KHDRBS2: variants seen among roughly 807,000 people sequenced by gnomAD.
KHDRBS2 encodes the protein KH RNA binding domain containing, signal transduction associated 2.
A neutral mutation model predicts 44.3 loss-of-function variants in KHDRBS2; 26 were observed. The observed-to-expected ratio is 0.59, with a 90% CI of 0.43 to 0.81. KHDRBS2 has a LOEUF of 0.81. KHDRBS2 is among the 40% of genes least tolerant of loss of function. The pLI, the probability that KHDRBS2 is intolerant of heterozygous loss-of-function variation, is 0.00. For missense variants in KHDRBS2, 476 were observed against 433.1 expected (o/e 1.10, Z -0.88); for synonymous variants, 194 against 151.1 (o/e 1.28, Z -2.08).
the KHDRBS2 span, among the ~76,000 whole-genome samples, chr6:61,660,845 A>C: frequency 1.3e-5 from 2 of 151,834 alleles, no homozygotes; most frequent in African/African-American, 2.4e-5. Context: ...AGGCTCGATA[A>C]AGAGCCATCA....
intron 1 of KHDRBS2, among the ~76,000 whole-genome samples, chr6:62,284,253 C>A (rs1330393274): frequency 6.6e-6 from 1 of 152,042 alleles, no homozygotes; most frequent in East Asian, 1.9e-4. Flanking sequence ...AATCTTTGAG[C>A]CACTTGTCTC....
intron 6 of KHDRBS2, among the ~76,000 whole-genome samples, chr6:61,769,526 G>A (rs556594515): frequency 1.3e-5 from 2 of 152,198 alleles, no homozygotes; most frequent in Non-Finnish European, 2.9e-5. Context: ...CCTGCACATG[G>A]CTCAGAGGGT....
In KHDRBS2 at chr6:61,681,937, G is replaced by A. The variant is rs533235814; in HGVS notation, c.953-877C>T. Among the ~76,000 whole-genome samples the A allele has an allele frequency of 4.3e-4, 65 of 151,954 alleles. No homozygotes were observed. In the South Asian group the frequency reaches 8.5e-3, roughly 20 times the overall value. On this transcript the variant is annotated intron_variant, in intron 8 of 8. Coordinates refer to ENST00000281156, the MANE Select transcript of KHDRBS2 (RefSeq NM_152688.4). Reference sequence around the variant, plus strand: ...TGATTCCAGCAACTAGGTTATTTTGGTCTCTCAATCAGAATTTAGTTCCTC... The same window carrying A: ...TGATTCCAGCAACTAGGTTATTTTGATCTCTCAATCAGAATTTAGTTCCTC...
chr6:62,176,748 T>A (rs1213790661), intron 2 of KHDRBS2, among the ~76,000 whole-genome samples: 1 of 151,166 alleles, frequency 6.6e-6, no homozygotes, highest in East Asian at 1.9e-4. Context: ...AATCTAAGAG[T>A]CTAATAACCA....
chr6:62,142,639 T>C (rs1240397864), intron 2 of KHDRBS2, among the ~76,000 whole-genome samples: 1 of 151,938 alleles, frequency 6.6e-6, no homozygotes, highest in Non-Finnish European at 1.5e-5. Context: ...ATAAAGAGGA[T>C]ATAGGACTAC....
chr6:62,098,428 T>A (rs1312813969), intron 2 of KHDRBS2, among the ~76,000 whole-genome samples: 3 of 152,088 alleles, frequency 2.0e-5, no homozygotes, highest in Non-Finnish European at 4.4e-5. Flanking sequence ...GACAGTTTGT[T>A]TTGTTTTGTT....
chr6:62,108,695 C>G (rs1584757263), intron 2 of KHDRBS2, among the ~76,000 whole-genome samples: 1 of 152,252 alleles, frequency 6.6e-6, no homozygotes, highest in East Asian at 1.9e-4. Flanking sequence ...TTGGAACCAA[C>G]CCAAATGTCC....
At chr6:61,868,762 T>C (rs770315538) in intron 6 of KHDRBS2, among the ~76,000 whole-genome samples, 29 of 152,166 alleles carry the variant, frequency 1.9e-4, no homozygotes, top group Non-Finnish European at 3.7e-4. Flanking sequence ...CAGTCTCAGG[T>C]AAGCCACAGG....
At chr6:62,282,248 G>C (rs1841907915) in intron 1 of KHDRBS2, among the ~76,000 whole-genome samples, 1 of 152,082 alleles carries the variant, frequency 6.6e-6, no homozygotes, top group South Asian at 2.1e-4. Context: ...ATATTTTTAA[G>C]ATCTCATTTA....
intron 2 of KHDRBS2, among the ~76,000 whole-genome samples, chr6:62,131,212 C>T (rs1261312301): frequency 1.3e-5 from 2 of 152,094 alleles, no homozygotes; most frequent in Non-Finnish European, 2.9e-5. Flanking sequence ...AAAAACTGTA[C>T]TTTTGAGAAT....
At chr6:61,615,131 G>A in the KHDRBS2 span, among the ~76,000 whole-genome samples, 16 of 148,980 alleles carry the variant, frequency 1.1e-4, no homozygotes, top group African/African-American at 4.0e-4. Flanking sequence ...TACTCGGGAG[G>A]CTGAGGCAGG....
the KHDRBS2 span, among the ~76,000 whole-genome samples, chr6:61,555,838 T>C: frequency 6.6e-6 from 1 of 152,178 alleles, no homozygotes; most frequent in Non-Finnish European, 1.5e-5. Flanking sequence ...TGGGGGCCTG[T>C]TATCTGGCCC....
chr6:62,062,408 C>G (rs1792205268), intron 2 of KHDRBS2, among the ~76,000 whole-genome samples: 1 of 148,468 alleles, frequency 6.7e-6, no homozygotes, highest in African/African-American at 2.5e-5. Flanking sequence ...TGTAAAAGAA[C>G]AGAAATTATA....
At chr6:61,651,831 T>C in the KHDRBS2 span, among the ~76,000 whole-genome samples, 1 of 152,130 alleles carries the variant, frequency 6.6e-6, no homozygotes, top group African/African-American at 2.4e-5. Flanking sequence ...ATCCAGATTG[T>C]ACTGGTAAAG....
intron 3 of KHDRBS2, among the ~76,000 whole-genome samples, chr6:62,000,560 A>C (rs1778047119): frequency 6.6e-6 from 1 of 152,218 alleles, no homozygotes; most frequent in African/African-American, 2.4e-5. Context: ...AAGATTCGTA[A>C]GAGTTAAATC....
Position 61,822,196 on chromosome 6 carries a change from T to C in KHDRBS2, c.810+72439A>G, listed in dbSNP as rs565725495. Among the ~76,000 whole-genome samples, 24 of 152,088 alleles carry C rather than the reference T, an allele frequency of 1.6e-4. No homozygotes were observed. The South Asian group carries it at 3.1e-3, about 20-fold the overall frequency. On this transcript the variant is annotated intron_variant, in intron 6 of 8. Transcript: ENST00000281156. ...TAGTTATCTTTTCTAGGCTAACCTATAGGTACCTCCAAATCAGTCTATCGA... is the reference window on the plus strand; with the variant it reads ...TAGTTATCTTTTCTAGGCTAACCTACAGGTACCTCCAAATCAGTCTATCGA...
chr6:61,606,946 A>G, the KHDRBS2 span, among the ~76,000 whole-genome samples: 3 of 152,332 alleles, frequency 2.0e-5, no homozygotes, highest in Admixed American at 2.0e-4. Flanking sequence ...ATCTGATTTA[A>G]ATGTGATCAA....
intron 4 of KHDRBS2, among the ~76,000 whole-genome samples, chr6:61,913,341 T>C (rs1806392547): frequency 1.3e-5 from 2 of 151,968 alleles, no homozygotes; most frequent in African/African-American, 4.8e-5. Flanking sequence ...TGTTCTAAGA[T>C]GTGGAGTACT....
At chr6:61,773,211 G>A (rs576855016) in intron 6 of KHDRBS2, among the ~76,000 whole-genome samples, 10 of 152,062 alleles carry the variant, frequency 6.6e-5, no homozygotes, top group Admixed American at 1.3e-4. Flanking sequence ...CTGAGGAATC[G>A]CCACACTGAC....
Sources: gnomAD v4.1 joint callset for allele counts (sites outside exome capture counted in the v4.1 genomes callset) on GRCh38, gnomAD v4.1.1 for gene constraint, MANE v1.5 for transcripts, NCBI Gene and HGNC (gene_info 2026-07-23, HGNC 2026-07-21) for gene names.